The following DPEP1 variants were observed in gnomAD, a reference collection of about 807,000 sequenced individuals.
The protein encoded by DPEP1 is dipeptidase 1.
DPEP1 carries 50 observed loss-of-function variants against 42.3 expected under a neutral mutation model. The ratio of observed to expected loss-of-function variants is 1.18; its 90% CI spans 0.94 to 1.50. The LOEUF is 1.50. Among genes scored for constraint, DPEP1 ranks in the 40% most tolerant of loss-of-function variants. The pLI, the probability that DPEP1 is intolerant of heterozygous loss-of-function variation, is 0.00. For missense variants in DPEP1, 663 were observed against 553.0 expected (o/e 1.20, Z -1.99); for synonymous variants, 297 against 234.0 (o/e 1.27, Z -2.46).
chr16:89,626,865 C>T (rs971745961), intron 1 of DPEP1, among the ~76,000 whole-genome samples: 1 of 152,004 alleles, frequency 6.6e-6, no homozygotes, highest in Non-Finnish European at 1.5e-5. Context: ...TGCCTGTAAT[C>T]CCAACAGCTT....
At chr16:89,640,571 C>G (rs112710566), downstream of DPEP1, 1 of 984,786 alleles carries the variant, frequency 1.0e-6, no homozygotes, top group Non-Finnish European at 1.2e-6. Context: ...TATCAATAAT[C>G]GTTCTGTCTG....
At chr16:89,629,517 C>G (rs984549683) in intron 1 of DPEP1, among the ~76,000 whole-genome samples, 5 of 151,368 alleles carry the variant, frequency 3.3e-5, no homozygotes, top group Non-Finnish European at 5.9e-5. Context: ...CCACCCCCCC[C>G]CGAAGCCTCT....
At chr16:89,624,566 A>C (rs1183161149) in intron 1 of DPEP1, among the ~76,000 whole-genome samples, 1 of 151,288 alleles carries the variant, frequency 6.6e-6, no homozygotes, top group African/African-American at 2.4e-5. Context: ...AGGGAGTCTC[A>C]CACCGTCGCC....
intron 6 of DPEP1, 73 bp downstream of exon 6, chr16:89,637,008 A>G (rs1597774397): frequency 1.3e-6 from 2 of 1,583,688 alleles, no homozygotes; most frequent in Non-Finnish European, 1.7e-6. Flanking sequence ...AGAACAATGC[A>G]TCTCCTCACG....
chr16:89,637,730 C>T, intron 9 of DPEP1, 23 bp downstream of exon 9: 2 of 1,613,008 alleles, frequency 1.2e-6, no homozygotes, highest in African/African-American at 2.7e-5. Context: ...GAGCTCTGTC[C>T]TGTGGATGAG....
chr16:89,625,002 G>A (rs990280527), intron 1 of DPEP1, among the ~76,000 whole-genome samples: 2 of 152,148 alleles, frequency 1.3e-5, no homozygotes, highest in African/African-American at 4.8e-5. Flanking sequence ...ATGGTGGTGG[G>A]GGCTGTACGA....
chr16:89,634,807 TC>T (rs1295257495), intron 2 of DPEP1, among the ~76,000 whole-genome samples: 1 of 48,996 alleles, frequency 2.0e-5, no homozygotes, highest in African/African-American at 6.8e-5. Flanking sequence ...CCTTTCCCCT[TC>T]CTTCCCTTTC....
chr16:89,614,604 C>T (rs1034202873), intron 1 of DPEP1, among the ~76,000 whole-genome samples: 1 of 152,216 alleles, frequency 6.6e-6, no homozygotes, highest in East Asian at 1.9e-4. Flanking sequence ...ACCATCCTGG[C>T]TAACACGGTG....
rs532137598 is a variant in DPEP1, at chr16:89,633,519, C to T, written c.105-2389C>T. ...GCATTCGCCTTGGAAAAGCTCATTG[C>T]GGGCACATAGATTTGAGCTGGGTCA... On this transcript the variant is annotated intron_variant, in intron 2 of 10. Transcript: ENST00000690203. Among the ~76,000 whole-genome samples the T allele has an allele frequency of 4.6e-5, 7 of 152,318 alleles. No individual in the cohort carries two copies. The South Asian group carries it at 8.3e-4, about 18-fold the overall frequency.
At position 89,628,383 on chromosome 16, in the gene DPEP1, G is replaced by A. The variant is rs1052072854; in HGVS notation, c.-106-1922G>A. 4.7e-5 allele frequency among the ~76,000 whole-genome samples: 7 copies of A among 148,348 alleles called. No individual in the cohort carries two copies. In the East Asian group the frequency reaches 8.1e-4, roughly 17 times the overall value. On this transcript the variant is annotated intron_variant, in intron 1 of 10. Coordinates refer to ENST00000690203, the MANE Select transcript of DPEP1 (RefSeq NM_001389466.1). ...AGCGATTCTCCTGCCTCAGCCTCCC[G>A]AGTAGCTGGGATTACAGGCATGCAC...
At chr16:89,618,755 G>A (rs190140051) in intron 1 of DPEP1, among the ~76,000 whole-genome samples, 32 of 151,970 alleles carry the variant, frequency 2.1e-4, no homozygotes, top group Non-Finnish European at 3.8e-4. Context: ...ACTGTTCCCC[G>A]GGCAAAGTTG....
At chr16:89,624,100 A>G (rs2059478243) in intron 1 of DPEP1, among the ~76,000 whole-genome samples, 1 of 152,064 alleles carries the variant, frequency 6.6e-6, no homozygotes, top group African/African-American at 2.4e-5. Flanking sequence ...GAATAAAGAC[A>G]GACAGGAGGA....
At chr16:89,627,902 C>T (rs1307755193) in intron 1 of DPEP1, among the ~76,000 whole-genome samples, 1 of 151,548 alleles carries the variant, frequency 6.6e-6, no homozygotes, top group Non-Finnish European at 1.5e-5. Flanking sequence ...TCGTGATCCT[C>T]CTGCCTTGGC....
At chr16:89,634,558 C>G (rs796645998) in intron 2 of DPEP1, among the ~76,000 whole-genome samples, 1 of 22,584 alleles carries the variant, frequency 4.4e-5, no homozygotes, top group Non-Finnish European at 1.6e-4. Context: ...CTTCCTTCTC[C>G]TTTCCCTTCC....
At chr16:89,631,572 C>T (rs1290117667) in intron 2 of DPEP1, among the ~76,000 whole-genome samples, 1 of 152,200 alleles carries the variant, frequency 6.6e-6, no homozygotes, top group South Asian at 2.1e-4. Flanking sequence ...CTTCAGGGAA[C>T]AGTCCAGGCT....
rs555257815 is a variant in DPEP1 at position 89,635,983 on chromosome 16, C to T, written c.180C>T (p.Thr60=). The T allele has an allele frequency of 1.2e-6, 2 of 1,612,406 alleles. No individual in the cohort carries two copies. Among genetic ancestry groups the T allele is most frequent in the Admixed American group, 1.7e-5 (1 of 59,962 alleles). The change falls in exon 3 of 11, where the codon ACC becomes ACT. Residue 60 remains threonine, a synonymous_variant. Transcript: ENST00000690203. ...RLQDERANLT[T]LAGTHTNIPK... ...AGGACGAGAGGGCCAACCTGACCAC[C>T]TTGGCCGGCACACACACCAACATCC...
intron 1 of DPEP1, among the ~76,000 whole-genome samples, chr16:89,617,849 C>A (rs921467967): frequency 8.6e-5 from 13 of 152,008 alleles, no homozygotes; most frequent in African/African-American, 3.1e-4. Context: ...CATGGTGAAA[C>A]CCCATCTCTA....
rs1431306005 is a variant in DPEP1 at position 89,630,407 on chromosome 16, C to T, written c.-4C>T. ...AGTGCACACAGGTCCCCGGGGACCC[C>T]ACCATGTGGAGCGGATGGTGGCTGT... On this transcript the variant is annotated 5_prime_UTR_variant, in exon 2 of 11. Coordinates refer to ENST00000690203, the MANE Select transcript of DPEP1 (RefSeq NM_001389466.1). 1.2e-6 allele frequency: 2 copies of T among 1,609,632 alleles called. No individual in the cohort carries two copies. Among genetic ancestry groups the T allele is most frequent in the Non-Finnish European group, 8.5e-7 (1 of 1,178,004 alleles).
intron 1 of DPEP1, among the ~76,000 whole-genome samples, chr16:89,628,784 C>T (rs905632161): frequency 1.3e-5 from 2 of 151,268 alleles, no homozygotes; most frequent in African/African-American, 4.9e-5. Context: ...TTGGGCCTGT[C>T]TTTATTTTAA....
Sources: allele counts gnomAD v4.1 joint callset (sites outside exome capture counted in the v4.1 genomes callset), GRCh38; gene constraint gnomAD v4.1.1; transcripts MANE v1.5; gene names NCBI Gene and HGNC (gene_info 2026-07-23, HGNC 2026-07-21).